TCF7L2: variants seen among roughly 807,000 people sequenced by gnomAD.
TCF7L2 encodes transcription factor 7 like 2.
A neutral mutation model predicts 77.9 loss-of-function variants in TCF7L2; 23 were observed. That is an observed-to-expected ratio of 0.30 (90% CI 0.21 to 0.42). The LOEUF (loss-of-function observed/expected upper bound fraction) is 0.42. Ranked by LOEUF, TCF7L2 falls within the 10% of genes least tolerant of loss-of-function variation. The probability of loss-of-function intolerance (pLI) is 1.00; values close to 1 mark genes in which losing one functional copy is unlikely to be tolerated. For synonymous variants in TCF7L2, 413 were observed against 340.2 expected, an observed-to-expected ratio of 1.21 and a Z score of -2.36; for missense variants, 654 against 793.1, an observed-to-expected ratio of 0.82 and a Z score of 2.11.
chr10:113,158,866 T>C (rs1190256525), intron 12 of TCF7L2, 149 bp downstream of exon 13: 1 of 684,444 alleles, frequency 1.5e-6, no homozygotes, highest in Non-Finnish European at 2.2e-6. Context: ...TTTCAGTAGA[T>C]TTTTTTTTTC....
chr10:112,970,890 G>T lies in TCF7L2; in HGVS notation c.450+6266G>T, dbSNP rs984869455. On this transcript the variant is annotated intron_variant, in intron 4 of 13. Coordinates refer to ENST00000627217, the MANE Select transcript of TCF7L2 (RefSeq NM_001146274.2). Reference sequence around the variant, plus strand: ...TCACGTTTCCTTTAGAGCTGTAGCAGACTTAGGCTGTGACATTTCATGTCC... The same window carrying T: ...TCACGTTTCCTTTAGAGCTGTAGCATACTTAGGCTGTGACATTTCATGTCC... Among the ~76,000 whole-genome samples, 11 of 152,290 alleles carry T rather than the reference G, an allele frequency of 7.2e-5. No homozygotes were observed. The East Asian group carries it at 1.7e-3, about 24-fold the overall frequency.
intron 4 of TCF7L2, among the ~76,000 whole-genome samples, chr10:112,969,418 T>C (rs1450952031): frequency 6.6e-6 from 1 of 152,234 alleles, no homozygotes; most frequent in Admixed American, 6.5e-5. Context: ...TCCAGTTTTT[T>C]TGCGATTATG....
intron 5 of TCF7L2, among the ~76,000 whole-genome samples, chr10:113,086,108 A>G (rs2059807823): frequency 1.3e-5 from 2 of 152,054 alleles, no homozygotes; most frequent in African/African-American, 2.4e-5. Context: ...TACTTTGCCC[A>G]CTCGTCATGT....
chr10:113,045,673 G>A (rs372771965), intron 5 of TCF7L2, among the ~76,000 whole-genome samples: 74 of 152,282 alleles, frequency 4.9e-4, no homozygotes, highest in African/African-American at 1.5e-3. Flanking sequence ...TATTTTCTGC[G>A]GGCAGGACAT....
chr10:113,073,252 G>A (rs538488825), intron 5 of TCF7L2, among the ~76,000 whole-genome samples: 18 of 151,808 alleles, frequency 1.2e-4, no homozygotes, highest in East Asian at 5.8e-4. Context: ...TCTACAACTC[G>A]TTGACCACAG....
intron 5 of TCF7L2, chr10:113,133,121 T>G (rs2066864230): frequency 6.6e-6 from 1 of 152,224 alleles, no homozygotes; most frequent in East Asian, 1.9e-4. Context: ...TAAATTATGT[T>G]TAATGAACTT....
chr10:112,999,648 A>G (rs2044123943), intron 4 of TCF7L2, among the ~76,000 whole-genome samples: 1 of 152,224 alleles, frequency 6.6e-6, no homozygotes, highest in Non-Finnish European at 1.5e-5. Context: ...TACTCGTCAC[A>G]AAAATAAGGC....
At chr10:112,965,817 C>G (rs2036635213) in intron 4 of TCF7L2, among the ~76,000 whole-genome samples, 2 of 152,128 alleles carry the variant, frequency 1.3e-5, no homozygotes, top group Non-Finnish European at 2.9e-5. Context: ...AGTCAGCAGA[C>G]ATTTTTATTT....
At chr10:113,033,765 T>C (rs2050660348) in intron 4 of TCF7L2, among the ~76,000 whole-genome samples, 1 of 152,126 alleles carries the variant, frequency 6.6e-6, no homozygotes, top group East Asian at 1.9e-4. Flanking sequence ...ATTCCTGGAG[T>C]ATGTTTTTAC....
intron 13 of TCF7L2, 145 bp from the exon 15 acceptor site, chr10:113,165,410 C>T: frequency 1.2e-6 from 1 of 868,550 alleles, no homozygotes. Context: ...GGGGGGGCGC[C>T]ACTGTAATTG....
At chr10:112,975,418 G>A (rs1434719779) in intron 4 of TCF7L2, among the ~76,000 whole-genome samples, 1 of 152,150 alleles carries the variant, frequency 6.6e-6, no homozygotes, top group Non-Finnish European at 1.5e-5. Flanking sequence ...ATTTTGGGCT[G>A]GAGAATTCTT....
In TCF7L2 at chr10:113,046,073, G is replaced by A. The variant is rs149327519; in HGVS notation, c.552+5947G>A. Among the ~76,000 whole-genome samples, 1,353 of 152,184 alleles carry A rather than the reference G, an allele frequency of 8.9e-3. 18 individuals are homozygous for A. The highest frequency in any genetic ancestry group is 0.031 in the African/African-American group (1,286 of 41,500). On this transcript the variant is annotated intron_variant, in intron 5 of 13. Transcript: ENST00000627217. ...GAGTGGGTGGTGTAGACTCCAAAGT[G>A]TACATGGGGCCATGATAGAGTCTAT...
chr10:112,961,494 G>A (rs769499953), intron 3 of TCF7L2, among the ~76,000 whole-genome samples: 2 of 152,004 alleles, frequency 1.3e-5, no homozygotes, highest in Admixed American at 6.5e-5. Flanking sequence ...CTGGGTGTTT[G>A]TATTTTTTAT....
intron 7 of TCF7L2, among the ~76,000 whole-genome samples, chr10:113,145,087 T>C (rs990949676): frequency 6.6e-6 from 1 of 151,730 alleles, no homozygotes; most frequent in South Asian, 2.1e-4. Context: ...TCTACCCGTA[T>C]TTCTCTAGTT....
At chr10:112,980,250 G>A (rs567920915) in intron 4 of TCF7L2, among the ~76,000 whole-genome samples, 20 of 152,358 alleles carry the variant, frequency 1.3e-4, no homozygotes, top group African/African-American at 4.6e-4. Flanking sequence ...GCCAGTGTAT[G>A]TTGGGGGCAA....
At chr10:113,001,028 C>T (rs114783761) in intron 4 of TCF7L2, among the ~76,000 whole-genome samples, 11 of 152,272 alleles carry the variant, frequency 7.2e-5, no homozygotes, top group Admixed American at 2.6e-4. Flanking sequence ...TCAGGAGGAA[C>T]GCAGAGTGCT....
chr10:113,145,865 C>T, intron 7 of TCF7L2, 146 bp from the exon 8 acceptor site: 2 of 602,502 alleles, frequency 3.3e-6, no homozygotes, highest in Non-Finnish European at 5.8e-6. Context: ...TCCCTTTGAT[C>T]CTTCCTGTAC....
chr10:113,017,623 C>T (rs1184280441), intron 4 of TCF7L2, among the ~76,000 whole-genome samples: 1 of 152,210 alleles, frequency 6.6e-6, no homozygotes, highest in Non-Finnish European at 1.5e-5. Context: ...ACTGGAGACA[C>T]CCTCTCTGGT....
At chr10:112,985,893 C>T (rs370468477) in intron 4 of TCF7L2, among the ~76,000 whole-genome samples, 1 of 118,416 alleles carries the variant, frequency 8.4e-6, no homozygotes, top group African/African-American at 3.0e-5. Context: ...TGTGTGTGTG[C>T]ATTCTTGTTA....
Sources: gnomAD v4.1 joint callset for allele counts (sites outside exome capture counted in the v4.1 genomes callset) on GRCh38, gnomAD v4.1.1 for gene constraint, MANE v1.5 for transcripts, NCBI Gene and HGNC (gene_info 2026-07-23, HGNC 2026-07-21) for gene names.